The following EHMT1 variants were observed in gnomAD, a reference collection of about 807,000 sequenced individuals.
The protein encoded by EHMT1 is histone-lysine N-methyltransferase EHMT1.
A neutral mutation model predicts 147.2 loss-of-function variants in EHMT1; 15 were observed. The observed-to-expected ratio is 0.10, with a 90% CI of 0.07 to 0.16. The LOEUF (loss-of-function observed/expected upper bound fraction) is 0.16, where lower values mean the gene tolerates loss of function less well. Ranked by LOEUF, EHMT1 falls within the 10% of genes least tolerant of loss-of-function variation. EHMT1 has a pLI of 1.00. For missense variants in EHMT1, 1,587 were observed against 1,772.4 expected (o/e 0.90, Z 1.88); for synonymous variants, 795 against 709.6 (o/e 1.12, Z -1.91).
At position 137,717,132 on chromosome 9, in the gene EHMT1, G is replaced by C. The variant is rs761554206; in HGVS notation, c.592G>C (p.Val198Leu). The change falls in exon 3 of 27, where the codon GTC (valine) becomes CTC (leucine). Residue 198 changes from valine (V) to leucine (L), a missense_variant. Val to Leu is a conservative substitution (Grantham distance 32). Coordinates refer to ENST00000460843, the MANE Select transcript of EHMT1 (RefSeq NM_024757.5). ...GAAGCTCCCGGCCCCTGGCGCCGAC[G>C]TCAAGGTCCACAGGGCACGCAAGAC... Reference protein sequence around the residue: ...DRKLPAPGADVKVHRARKTMP... With the variant: ...DRKLPAPGADLKVHRARKTMP... The C allele has an allele frequency of 1.2e-6, 2 of 1,612,412 alleles. No homozygotes were observed. Among genetic ancestry groups the C allele is most frequent in the African/African-American group, 2.7e-5 (2 of 74,938 alleles).
chr9:137,665,610 C>G (rs1271064337), intron 1 of EHMT1, among the ~76,000 whole-genome samples: 1 of 152,146 alleles, frequency 6.6e-6, no homozygotes, highest in Non-Finnish European at 1.5e-5. Context: ...TCCCCAGATT[C>G]CATGTCTAGG....
chr9:137,670,154 C>T (rs1448651280), intron 1 of EHMT1, among the ~76,000 whole-genome samples: 1 of 152,218 alleles, frequency 6.6e-6, no homozygotes, highest in Non-Finnish European at 1.5e-5. Context: ...GCCACCGCGC[C>T]TGGGCTGAAA....
intron 3 of EHMT1, among the ~76,000 whole-genome samples, chr9:137,721,002 C>T (rs1004501480): frequency 7.9e-5 from 12 of 152,042 alleles, no homozygotes; most frequent in Non-Finnish European, 1.6e-4. Flanking sequence ...GCCTTTCTCC[C>T]CTCCTCGCCG....
chr9:137,745,710 G>T, intron 6 of EHMT1: 1 of 395,914 alleles, frequency 2.5e-6, no homozygotes. Context: ...CGCTCTTTCT[G>T]TCAAGTTACA....
At chr9:137,646,495 C>T (rs1844893276) in intron 1 of EHMT1, 1 of 964,994 alleles carries the variant, frequency 1.0e-6, no homozygotes, top group Admixed American at 6.2e-5. Flanking sequence ...GAGAGAGGAG[C>T]TAGTCAGCAG....
chr9:137,748,149 T>C (rs997650748), intron 6 of EHMT1, among the ~76,000 whole-genome samples: 4 of 152,188 alleles, frequency 2.6e-5, no homozygotes, highest in Non-Finnish European at 2.9e-5. Context: ...ATACTAATGC[T>C]CAGATGTTGG....
At chr9:137,621,426 G>A (rs1030191498) in intron 1 of EHMT1, among the ~76,000 whole-genome samples, 5 of 152,160 alleles carry the variant, frequency 3.3e-5, no homozygotes, top group African/African-American at 1.2e-4. Flanking sequence ...GCCAGCCGTG[G>A]TGGCTCATGC....
At chr9:137,719,258 CTGTCATAG>C (rs1945686750) in intron 3 of EHMT1, among the ~76,000 whole-genome samples, 1 of 152,090 alleles carries the variant, frequency 6.6e-6, no homozygotes, top group Non-Finnish European at 1.5e-5. Flanking sequence ...ATCTTTGTTT[CTGTCATAG>C]TGTCTCAGCC....
At position 137,743,779 on chromosome 9, in the gene EHMT1, G is replaced by A. The variant is rs143132200; in HGVS notation, c.982-123G>A. On this transcript the variant is annotated intron_variant, in intron 5 of 26. Coordinates refer to ENST00000460843, the MANE Select transcript of EHMT1 (RefSeq NM_024757.5). ...CTCCAGGTGGCAGGGGCACCTCTTC[G>A]TGTGTCCCCGCCTCCCCACAGGCCC... is the stretch of plus-strand genomic sequence containing the variant. 220 of 1,269,492 alleles carry A rather than the reference G, an allele frequency of 1.7e-4. 1 individual carries two copies. Among genetic ancestry groups the A allele is most frequent in the Non-Finnish European group, 2.0e-4 (185 of 923,068 alleles). 78.6% of individuals were successfully genotyped at this position (1,269,492 alleles called of 1,614,324 possible).
intron 6 of EHMT1, chr9:137,746,349 A>C (rs1423539985): frequency 6.6e-6 from 1 of 152,148 alleles, no homozygotes; most frequent in Non-Finnish European, 1.5e-5. Flanking sequence ...TCCTGGGCTT[A>C]AGTGAACCTT....
chr9:137,658,137 C>T (rs887212591), intron 1 of EHMT1, among the ~76,000 whole-genome samples: 1 of 152,162 alleles, frequency 6.6e-6, no homozygotes, highest in South Asian at 2.1e-4. Flanking sequence ...TTCTGTCACT[C>T]GCGGCTCTTC....
intron 1 of EHMT1, among the ~76,000 whole-genome samples, chr9:137,680,303 G>A (rs769241189): frequency 6.6e-6 from 1 of 151,822 alleles, no homozygotes; most frequent in Non-Finnish European, 1.5e-5. Flanking sequence ...GAGAAACCCC[G>A]TCTCTACTAA....
intron 4 of EHMT1, chr9:137,743,107 T>G: frequency 4.5e-6 from 2 of 439,798 alleles, no homozygotes; most frequent in East Asian, 4.6e-5. Context: ...CAAGGTGGGG[T>G]GATAATGTTT....
rs761391274 is a variant in EHMT1 at position 137,776,857 on chromosome 9, G to A, written c.2018+13G>A. The A allele has an allele frequency of 4.3e-6, 7 of 1,612,736 alleles. No homozygotes were observed. The Admixed American group carries it at 1.0e-4, about 23-fold the overall frequency. On this transcript the variant is annotated intron_variant, in intron 12 of 26. Transcript: ENST00000460843. This position sits in a 1 kb window ranked among gnomAD's most constrained non-coding sequence, Gnocchi z 4.4. ...CCACAACGGGCAGGTACCTGGCACA[G>A]GCTCTGGCTGGGCTCTCCAGTCGTC...
intron 1 of EHMT1, among the ~76,000 whole-genome samples, chr9:137,677,173 G>A (rs1211382355): frequency 6.6e-5 from 10 of 151,564 alleles, no homozygotes. Context: ...TCGCTCTGTC[G>A]CCCAGGCTGG....
chr9:137,692,350 C>T (rs931211917), intron 1 of EHMT1, among the ~76,000 whole-genome samples: 3 of 150,988 alleles, frequency 2.0e-5, no homozygotes, highest in African/African-American at 4.9e-5. Flanking sequence ...CTGCAACCTC[C>T]GCCTCCTGGG....
Position 137,775,269 on chromosome 9 carries a change from G to A in EHMT1, c.1791+17G>A. The A allele has an allele frequency of 6.2e-7, 1 of 1,606,410 alleles. No individual in the cohort carries two copies. On this transcript the variant is annotated intron_variant, in intron 11 of 26. Coordinates refer to ENST00000460843, the MANE Select transcript of EHMT1 (RefSeq NM_024757.5). The surrounding 1 kb of genome is among the most constrained non-coding windows in gnomAD (Gnocchi z 6.1). Reference sequence around the variant, plus strand: ...TGCACAGCGGTAAGAGCCCAGTCCGGCAGCCTCTGAGTCCTCCGCAGGCTT... The same window carrying A: ...TGCACAGCGGTAAGAGCCCAGTCCGACAGCCTCTGAGTCCTCCGCAGGCTT...
chr9:137,644,824 A>G lies in EHMT1; in HGVS notation c.21+25775A>G, dbSNP rs17065600. Among the ~76,000 whole-genome samples the G allele has an allele frequency of 0.016, 2,361 of 152,040 alleles. 268 individuals carry two copies. The East Asian group carries it at 0.3, about 19-fold the overall frequency. The stretch of plus-strand genomic sequence containing the variant: ...AATTATTGGTCTTTTGGTTGTCTCA[A>G]TTGCTAGATTGTAAACTCTTTGAGG... On this transcript the variant is annotated intron_variant, in intron 1 of 26. Transcript: ENST00000460843.
chr9:137,655,652 G>C (rs1938364337), intron 1 of EHMT1, among the ~76,000 whole-genome samples: 1 of 152,218 alleles, frequency 6.6e-6, no homozygotes, highest in Non-Finnish European at 1.5e-5. Context: ...TTGAGCGGCA[G>C]GCTTTGAGTT....
Sources: gnomAD v4.1 joint callset for allele counts (sites outside exome capture counted in the v4.1 genomes callset) on GRCh38, gnomAD v4.1.1 for gene constraint, Gnocchi (gnomAD v3.1) non-coding constraint, MANE v1.5 for transcripts, NCBI Gene and HGNC (gene_info 2026-07-23, HGNC 2026-07-21) for gene names.